The following CCDC171 variants were observed in gnomAD, a reference collection of about 807,000 sequenced individuals.
The protein encoded by CCDC171 is coiled-coil domain-containing protein 171.
CCDC171 carries 177 observed loss-of-function variants against 168.2 expected under a neutral mutation model. The ratio of observed to expected loss-of-function variants is 1.05; its 90% confidence interval spans 0.93 to 1.19. The LOEUF is 1.19. Among genes scored for constraint, CCDC171 ranks in the 50% most tolerant of loss-of-function variants. The pLI, the probability that CCDC171 is intolerant of heterozygous loss-of-function variation, is 0.00. For missense variants in CCDC171, 1,991 were observed against 1,539.0 expected (o/e 1.29, Z -4.91); for synonymous variants, 687 against 540.8 (o/e 1.27, Z -3.75).
intron 21 of CCDC171, among the ~76,000 whole-genome samples, chr9:15,788,016 G>T (rs570988267): frequency 6.6e-6 from 1 of 152,068 alleles, no homozygotes; most frequent in Admixed American, 6.6e-5. Flanking sequence ...ATATCTTTAC[G>T]CAGATAAAGA....
At chr9:16,108,332 C>G in the CCDC171 span, among the ~76,000 whole-genome samples, 2 of 152,216 alleles carry the variant, frequency 1.3e-5, no homozygotes, top group African/African-American at 4.8e-5. Flanking sequence ...CTTTTACTTA[C>G]AAAGATTTAT....
the CCDC171 span, among the ~76,000 whole-genome samples, chr9:16,082,641 T>C: frequency 6.6e-6 from 1 of 152,238 alleles, no homozygotes; most frequent in Non-Finnish European, 1.5e-5. Flanking sequence ...TTTATATATC[T>C]GTGGAGAGTG....
the CCDC171 span, among the ~76,000 whole-genome samples, chr9:16,072,378 G>A: frequency 1.3e-5 from 2 of 152,150 alleles, no homozygotes; most frequent in African/African-American, 2.4e-5. Context: ...TCCTCTGGCT[G>A]TTTTTTAAAC....
intron 1 of CCDC171, among the ~76,000 whole-genome samples, chr9:16,056,839 T>C (rs1399104266): frequency 6.6e-6 from 1 of 152,202 alleles, no homozygotes; most frequent in African/African-American, 2.4e-5. Flanking sequence ...AGATGAATTA[T>C]ATCTCATTAA....
chr9:16,064,056 G>A (rs1190495750), downstream of CCDC171, among the ~76,000 whole-genome samples: 1 of 152,144 alleles, frequency 6.6e-6, no homozygotes, highest in Non-Finnish European at 1.5e-5. Flanking sequence ...GCCTGCCCCA[G>A]TTTCCCAGCC....
chr9:15,704,706 T>G (rs1292458167), intron 11 of CCDC171, among the ~76,000 whole-genome samples: 1 of 152,224 alleles, frequency 6.6e-6, no homozygotes, highest in Non-Finnish European at 1.5e-5. Flanking sequence ...TTAAGAAACT[T>G]TCCGATGCAC....
chr9:15,803,912 C>G (rs546703688), intron 21 of CCDC171, among the ~76,000 whole-genome samples: 1 of 150,502 alleles, frequency 6.6e-6, no homozygotes, highest in South Asian at 2.1e-4. Context: ...GAATGTCTTT[C>G]CATTTGTTTA....
intron 7 of CCDC171, among the ~76,000 whole-genome samples, chr9:15,654,207 A>G (rs573029046): frequency 6.6e-6 from 1 of 152,192 alleles, no homozygotes; most frequent in Non-Finnish European, 1.5e-5. Context: ...TCTGTAAAAA[A>G]AAAAAACCAA....
intron 3 of CCDC171, among the ~76,000 whole-genome samples, chr9:16,006,585 C>A (rs1832702906): frequency 6.8e-6 from 1 of 147,802 alleles, no homozygotes; most frequent in African/African-American, 2.5e-5. Flanking sequence ...TCCCCCCTCC[C>A]CTCACCCCAC....
intron 25 of CCDC171, among the ~76,000 whole-genome samples, chr9:15,934,402 AAAAGAAAAGAAAAG>A (rs1383875050): frequency 6.6e-5 from 10 of 151,228 alleles, no homozygotes; most frequent in Admixed American, 2.6e-4. Context: ...AAAAAAAAAA[AAAAGAAAAGAAAAG>A]AAAGAAAAGG....
At chr9:15,603,781 C>T (rs1298736422) in intron 6 of CCDC171, among the ~76,000 whole-genome samples, 2 of 152,044 alleles carry the variant, frequency 1.3e-5, no homozygotes, top group African/African-American at 4.8e-5. Flanking sequence ...AATGGGATTG[C>T]TGGGTCAAAT....
chr9:15,916,776 C>G (rs1824586016), intron 24 of CCDC171, among the ~76,000 whole-genome samples: 1 of 151,842 alleles, frequency 6.6e-6, no homozygotes, highest in South Asian at 2.1e-4. Flanking sequence ...TTTGAATTCC[C>G]TCGTCTTATT....
intron 6 of CCDC171, among the ~76,000 whole-genome samples, chr9:16,024,314 A>G (rs1833233434): frequency 6.6e-6 from 1 of 152,188 alleles, no homozygotes; most frequent in South Asian, 2.1e-4. Flanking sequence ...ATCCTATCCT[A>G]CCTCAAACTG....
At chr9:15,664,694 G>GTTTTTTTT (rs71325927) in intron 8 of CCDC171, among the ~76,000 whole-genome samples, 1 of 99,516 alleles carries the variant, frequency 1.0e-5, no homozygotes. Context: ...ATATAGTTTT[G>GTTTTTTTT]TTTTTTTTTT....
chr9:15,574,206 G>C (rs889628195), intron 3 of CCDC171, among the ~76,000 whole-genome samples: 5 of 151,470 alleles, frequency 3.3e-5, no homozygotes, highest in Middle Eastern at 6.8e-3. Flanking sequence ...GTACAGTGGT[G>C]CTATCTTGGC....
chr9:15,873,583 A>G (rs931138550), intron 23 of CCDC171, among the ~76,000 whole-genome samples: 3 of 152,054 alleles, frequency 2.0e-5, no homozygotes, highest in African/African-American at 7.2e-5. Context: ...AAATATGCCT[A>G]TGTATTGAAA....
At chr9:15,827,347 A>T (rs2060055453) in intron 21 of CCDC171, among the ~76,000 whole-genome samples, 1 of 151,704 alleles carries the variant, frequency 6.6e-6, no homozygotes, top group African/African-American at 2.4e-5. Context: ...AGCTTGATTT[A>T]CTCCCACCTT....
At position 15,570,179 on chromosome 9, in the gene CCDC171, C is replaced by G. The variant is rs373351724; in HGVS notation, c.42-1445C>G. 3.3e-5 allele frequency among the ~76,000 whole-genome samples: 5 copies of G among 152,158 alleles called. No homozygotes were observed. In the East Asian group the frequency reaches 7.7e-4, roughly 24 times the overall value. ...AGAGGCAGGATTTCACTATGTTGGC[C>G]AGGCTGGTCTTGAACTCCTGGCCTC... is the stretch of plus-strand genomic sequence containing the variant. On this transcript the variant is annotated intron_variant, in intron 2 of 25. Coordinates refer to ENST00000380701, the MANE Select transcript of CCDC171 (RefSeq NM_173550.4).
chr9:15,718,506 A>G (rs1480755825), intron 11 of CCDC171, among the ~76,000 whole-genome samples: 3 of 152,222 alleles, frequency 2.0e-5, no homozygotes, highest in Non-Finnish European at 2.9e-5. Flanking sequence ...TAATGGTTAC[A>G]GCAGGTCTTG....
Sources: gnomAD v4.1 joint callset for allele counts (sites outside exome capture counted in the v4.1 genomes callset) on GRCh38, gnomAD v4.1.1 for gene constraint, MANE v1.5 for transcripts, NCBI Gene and HGNC (gene_info 2026-07-23, HGNC 2026-07-21) for gene names.